Variants in EEIG1 observed in about 807,000 individuals in gnomAD.
EEIG1 encodes the protein estrogen-induced osteoclastogenesis regulator 1, also known as early estrogen-induced gene 1 protein.
At chr9:127,957,011 G>A in the EEIG1 span, among the ~76,000 whole-genome samples, 1 of 152,160 alleles carries the variant, frequency 6.6e-6, no homozygotes, top group Non-Finnish European at 1.5e-5. Flanking sequence ...ACAATGCCTG[G>A]CCTCATACAT....
chr9:127,963,249 C>T, the EEIG1 span, among the ~76,000 whole-genome samples: 1 of 152,166 alleles, frequency 6.6e-6, no homozygotes, highest in Non-Finnish European at 1.5e-5. Context: ...GGATCTGAAC[C>T]CTCAGCCACC....
the EEIG1 span, among the ~76,000 whole-genome samples, chr9:127,977,827 T>C: frequency 6.6e-6 from 1 of 152,172 alleles, no homozygotes; most frequent in Non-Finnish European, 1.5e-5. Context: ...ATAATAATCC[T>C]ATGGGGCCCC....
At chr9:127,979,856 G>A in the EEIG1 span, 2 of 1,121,376 alleles carry the variant, frequency 1.8e-6, no homozygotes, top group East Asian at 5.5e-5. Flanking sequence ...GTCCTGCCTT[G>A]TGCAACCTGC....
the EEIG1 span, chr9:127,942,847 A>G: frequency 1.4e-5 from 5 of 361,520 alleles, no homozygotes; most frequent in East Asian, 2.4e-4. Flanking sequence ...GAGCCGCTGC[A>G]TGTCCTCAGC....
At chr9:127,978,317 C>T in the EEIG1 span, among the ~76,000 whole-genome samples, 1 of 152,272 alleles carries the variant, frequency 6.6e-6, no homozygotes, top group Admixed American at 6.5e-5. Flanking sequence ...TAACAGACTC[C>T]TTCGAGGTCC....
chr9:127,948,482 C>A, the EEIG1 span: 1 of 1,515,100 alleles, frequency 6.6e-7, no homozygotes, highest in Non-Finnish European at 9.2e-7. Context: ...GGGCCCCCTG[C>A]AGCCTTTCGG....
chr9:127,947,309 G>A, the EEIG1 span, among the ~76,000 whole-genome samples: 1 of 149,044 alleles, frequency 6.7e-6, no homozygotes, highest in African/African-American at 2.5e-5. Flanking sequence ...GGTGGCGCTC[G>A]CCTGTAGTCC....
At chr9:127,955,022 A>G in the EEIG1 span, among the ~76,000 whole-genome samples, 1 of 152,196 alleles carries the variant, frequency 6.6e-6, no homozygotes, top group South Asian at 2.1e-4. Flanking sequence ...ATCCCCGAGC[A>G]GCTCCCCATC....
the EEIG1 span, among the ~76,000 whole-genome samples, chr9:127,951,337 T>C: frequency 0.77 from 116,525 of 152,042 alleles, 46,076 homozygotes; most frequent in Non-Finnish European, 0.87. Context: ...TCAGAAGAGA[T>C]AGATAATGAA....
the EEIG1 span, among the ~76,000 whole-genome samples, chr9:127,955,904 C>T: frequency 6.6e-6 from 1 of 152,222 alleles, no homozygotes; most frequent in Non-Finnish European, 1.5e-5. Flanking sequence ...TGGGGCACAC[C>T]GCCCCTGTCG....
the EEIG1 span, among the ~76,000 whole-genome samples, chr9:127,969,670 TG>T: frequency 1.3e-5 from 2 of 152,064 alleles, no homozygotes; most frequent in Non-Finnish European, 2.9e-5. Flanking sequence ...TGCTGGAGTT[TG>T]CAAGAGGCAG....
chr9:127,956,805 G>T, the EEIG1 span, among the ~76,000 whole-genome samples: 1 of 152,074 alleles, frequency 6.6e-6, no homozygotes, highest in Non-Finnish European at 1.5e-5. Flanking sequence ...ACCTCCACCT[G>T]CTGGGTTCAA....
At chr9:127,969,163 G>T in the EEIG1 span, among the ~76,000 whole-genome samples, 2 of 152,310 alleles carry the variant, frequency 1.3e-5, no homozygotes, top group Non-Finnish European at 2.9e-5. Flanking sequence ...GCAAAGACAG[G>T]GTTCAGGGCA....
At chr9:127,941,529 G>A in the EEIG1 span, 9 of 152,256 alleles carry the variant, frequency 5.9e-5, no homozygotes, top group African/African-American at 2.2e-4. Flanking sequence ...GTCCCGCCTC[G>A]GCAGGCACCT....
the EEIG1 span, among the ~76,000 whole-genome samples, chr9:127,951,718 G>A: frequency 1.3e-5 from 2 of 151,038 alleles, no homozygotes; most frequent in Admixed American, 6.6e-5. Flanking sequence ...TCAGGAGGCT[G>A]AGGCAGGAGA....
chr9:127,965,124 A>C, the EEIG1 span, among the ~76,000 whole-genome samples: 2 of 113,774 alleles, frequency 1.8e-5, no homozygotes, highest in African/African-American at 3.5e-5. Context: ...AAAAAAAAAA[A>C]AAAAAAAAAA....
chr9:127,941,509 C>T, the EEIG1 span: 1 of 152,562 alleles, frequency 6.6e-6, no homozygotes, highest in East Asian at 1.9e-4. Context: ...CCAGCGCGAG[C>T]GAACACTCTG....
the EEIG1 span, among the ~76,000 whole-genome samples, chr9:127,961,900 G>C: frequency 6.6e-6 from 1 of 152,268 alleles, no homozygotes; most frequent in African/African-American, 2.4e-5. Flanking sequence ...GCCGGGGCAG[G>C]CATGGGCCAG....
At chr9:127,964,195 T>G in the EEIG1 span, among the ~76,000 whole-genome samples, 1 of 152,168 alleles carries the variant, frequency 6.6e-6, no homozygotes, top group African/African-American at 2.4e-5. Flanking sequence ...AAAGGACGAC[T>G]TACCCATCAC....
Sources: gnomAD v4.1 joint callset for allele counts (sites outside exome capture counted in the v4.1 genomes callset) on GRCh38, gnomAD v4.1.1 for gene constraint, MANE v1.5 for transcripts, NCBI Gene and HGNC (gene_info 2026-07-23, HGNC 2026-07-21) for gene names.